GREB1: variants seen among roughly 807,000 people sequenced by gnomAD.
The protein encoded by GREB1 is protein GREB1.
A neutral mutation model predicts 200.7 loss-of-function variants in GREB1; 106 were observed. The ratio of observed to expected loss-of-function variants is 0.53; its 90% CI spans 0.45 to 0.62. The LOEUF (loss-of-function observed/expected upper bound fraction) is 0.62. Ranked by LOEUF, GREB1 falls within the 20% of genes least tolerant of loss-of-function variation. GREB1 has a pLI of 0.00. For missense variants in GREB1, 2,243 were observed against 2,556.8 expected (o/e 0.88, Z 2.65); for synonymous variants, 1,132 against 1,092.4 (o/e 1.04, Z -0.72).
chr2:11,612,329 G>C, intron 18 of GREB1, 166 bp from the exon 19 acceptor site: 1 of 1,369,458 alleles, frequency 7.3e-7, no homozygotes, highest in Non-Finnish European at 9.5e-7. Flanking sequence ...AAATACGGTG[G>C]CCAAGTGGAT....
At chr2:11,619,068 C>A in intron 22 of GREB1, 149 bp downstream of exon 22, 1 of 836,068 alleles carries the variant, frequency 1.2e-6, no homozygotes, top group Non-Finnish European at 1.8e-6. Context: ...TGGGGTGGAC[C>A]GGAGGGAGGA....
intron 1 of GREB1, among the ~76,000 whole-genome samples, chr2:11,522,620 T>G (rs1572586407): frequency 6.6e-6 from 1 of 152,064 alleles, no homozygotes; most frequent in Non-Finnish European, 1.5e-5. Context: ...CCGTGGCAGG[T>G]GTGGTTCAAC....
At chr2:11,626,330 G>A (rs780505668) in intron 24 of GREB1, among the ~76,000 whole-genome samples, 5 of 152,134 alleles carry the variant, frequency 3.3e-5, no homozygotes, top group Non-Finnish European at 7.3e-5. Flanking sequence ...GCTCACGCCT[G>A]TAATCTCAGC....
chr2:11,551,293 G>C (rs1357265270), intron 1 of GREB1, among the ~76,000 whole-genome samples: 2 of 152,204 alleles, frequency 1.3e-5, no homozygotes, highest in Non-Finnish European at 1.5e-5. Context: ...GCAACCAGTT[G>C]AATCTCCACG....
intron 23 of GREB1, among the ~76,000 whole-genome samples, chr2:11,624,606 A>G (rs537625482): frequency 9.9e-5 from 15 of 152,206 alleles, no homozygotes; most frequent in Admixed American, 4.6e-4. Flanking sequence ...CGGCCTCCCA[A>G]AGTGCTGGGA....
chr2:11,635,088 G>A (rs534586584), intron 29 of GREB1, among the ~76,000 whole-genome samples, 182 bp from the exon 30 acceptor site: 49 of 152,306 alleles, frequency 3.2e-4, no homozygotes, highest in Non-Finnish European at 6.0e-4. Context: ...TGTCCTGTGC[G>A]TTTTCCTTGT....
At chr2:11,488,786 C>T (rs748914316) in intron 1 of GREB1, among the ~76,000 whole-genome samples, 2 of 88,214 alleles carry the variant, frequency 2.3e-5, no homozygotes, top group African/African-American at 3.7e-5. Flanking sequence ...AGTGAAACTC[C>T]GTCTCAAAAA....
rs372044147 is a variant in GREB1 at position 11,523,891 on chromosome 2, C to T, written c.-158-32566C>T. Among the ~76,000 whole-genome samples, 9 of 152,308 alleles carry T rather than the reference C, an allele frequency of 5.9e-5. No individual in the cohort carries two copies. In the East Asian group the frequency reaches 1.5e-3, roughly 26 times the overall value. Reference sequence around the variant, plus strand: ...CTCTAGATTGGTTCAAAGTGTCTGGCACAGAATGGAACTGCTTTCTAAGCA... The same window carrying T: ...CTCTAGATTGGTTCAAAGTGTCTGGTACAGAATGGAACTGCTTTCTAAGCA... On this transcript the variant is annotated intron_variant, in intron 1 of 2. Coordinates refer to the GREB1 transcript ENST00000628795.
chr2:11,589,338 A>T (rs1390699636), intron 10 of GREB1, among the ~76,000 whole-genome samples: 3 of 152,126 alleles, frequency 2.0e-5, no homozygotes, highest in African/African-American at 7.2e-5. Context: ...GGCCTCTGTG[A>T]ATAGGAGACC....
intron 20 of GREB1, among the ~76,000 whole-genome samples, chr2:11,615,577 G>A (rs1458848075): frequency 6.6e-6 from 1 of 152,176 alleles, no homozygotes; most frequent in Non-Finnish European, 1.5e-5. Context: ...TTAAAGAATA[G>A]GAAGAAAAAT....
intron 1 of GREB1, among the ~76,000 whole-genome samples, chr2:11,496,571 CTCTGCT>C (rs1672896581): frequency 7.0e-6 from 1 of 143,034 alleles, no homozygotes; most frequent in Non-Finnish European, 1.5e-5. Context: ...TGAAAGGACG[CTCTGCT>C]TCTCAGGTCA....
At chr2:11,511,002 C>G (rs929742093) in intron 1 of GREB1, among the ~76,000 whole-genome samples, 3 of 152,108 alleles carry the variant, frequency 2.0e-5, no homozygotes, top group Non-Finnish European at 4.4e-5. Context: ...TTTAAAAACA[C>G]AGTCAGTGTG....
chr2:11,635,185 G>C (rs1685210999), intron 29 of GREB1, 85 bp from the exon 30 acceptor site: 2 of 1,531,460 alleles, frequency 1.3e-6, no homozygotes, highest in African/African-American at 1.4e-5. Context: ...CCTACGATGG[G>C]GACCCACACT....
rs1572618347 is a variant in GREB1 at position 11,539,022 on chromosome 2, T to TCC, written c.-162+4769_-162+4770insCC. On this transcript the variant is annotated intron_variant, in intron 1 of 32. Transcript: ENST00000381486. ...CTCCTTTCTCCCTTCTCCTCCCTTC[T>TCC]CTTCTCTTCTCTTCTCTTCTCTTCT... Among the ~76,000 whole-genome samples the TCC allele has an allele frequency of 1.6e-4, 4 of 25,164 alleles. No homozygotes were observed. The East Asian group carries it at 0.012, about 78-fold the overall frequency. The allele number at this position is 25,164 out of a possible 152,430, so 16.5% of individuals were successfully genotyped here.
chr2:11,522,432 T>C (rs1275307534), intron 1 of GREB1, among the ~76,000 whole-genome samples: 1 of 152,170 alleles, frequency 6.6e-6, no homozygotes, highest in African/African-American at 2.4e-5. Context: ...TGAAAGAGGC[T>C]TACTTAGGAA....
intron 14 of GREB1, 87 bp from the exon 15 acceptor site, chr2:11,598,593 G>A: frequency 1.7e-6 from 2 of 1,181,422 alleles, no homozygotes; most frequent in Non-Finnish European, 1.2e-6. Context: ...GACCTGCTGT[G>A]TAGGAGTCGC....
intron 1 of GREB1, among the ~76,000 whole-genome samples, chr2:11,486,191 G>T (rs1053400915): frequency 5.9e-5 from 9 of 152,196 alleles, no homozygotes; most frequent in Non-Finnish European, 1.0e-4. Context: ...GTGACCTGTA[G>T]TTCCTTCATA....
intron 4 of GREB1, among the ~76,000 whole-genome samples, chr2:11,575,855 G>T (rs1678794298): frequency 6.6e-6 from 1 of 152,184 alleles, no homozygotes; most frequent in African/African-American, 2.4e-5. Context: ...GAATGGGATG[G>T]CTCTTGTCTT....
At chr2:11,598,615 C>T in intron 14 of GREB1, 65 bp from the exon 15 acceptor site, 1 of 1,432,144 alleles carries the variant, frequency 7.0e-7, no homozygotes, top group Non-Finnish European at 9.8e-7. Context: ...CCTCAGGTGT[C>T]TGTTGAGTGA....
Sources: gnomAD v4.1 joint callset for allele counts (sites outside exome capture counted in the v4.1 genomes callset) on GRCh38, gnomAD v4.1.1 for gene constraint, MANE v1.5 for transcripts, NCBI Gene and HGNC (gene_info 2026-07-23, HGNC 2026-07-21) for gene names.